The following SERF2 variants were observed in gnomAD, a reference collection of about 807,000 sequenced individuals.
The protein encoded by SERF2 is small EDRK-rich factor 2.
In SERF2, 4 loss-of-function variants were observed where a neutral mutation model predicts 10.7. The observed-to-expected ratio is 0.37, with a 90% confidence interval of 0.18 to 0.86. The LOEUF is 0.86. SERF2 is among the 40% of genes least tolerant of loss of function. The probability of loss-of-function intolerance (pLI) is 0.43; values close to 1 mark genes in which losing one functional copy is unlikely to be tolerated. For synonymous variants in SERF2, 26 were observed against 26.0 expected (o/e 1.00, Z 0.01); for missense variants, 47 against 79.1 (o/e 0.59, Z 1.54).
chr15:43,793,899 G>A lies in SERF2; in HGVS notation c.*126G>A, dbSNP rs756934168. 6.3e-7 allele frequency: 1 copy of A among 1,590,212 alleles called. No individual in the cohort carries two copies. The highest frequency in any genetic ancestry group is 2.3e-5 in the East Asian group (1 of 44,090). On this transcript the variant is annotated 3_prime_UTR_variant, in exon 3 of 3. Transcript: ENST00000249786. ...ACCGATGGCATTCCCTTTGCCCTGA[G>A]TCTGCAGCGGGTCCCTTTTGTGCTT... is the stretch of plus-strand genomic sequence containing the variant.
In SERF2 at chr15:43,795,272, C is replaced by T; in HGVS notation, c.*1499C>T. ...AAGGGCCTTAGCTTTTAGACCTGTT[C>T]TACCTCCTCACCAAATATAATGGCA... On this transcript the variant is annotated 3_prime_UTR_variant, in exon 3 of 3. Coordinates refer to ENST00000249786, the MANE Select transcript of SERF2 (RefSeq NM_001018108.4). The T allele has an allele frequency of 2.5e-6, 4 of 1,594,818 alleles. No homozygotes were observed. Among genetic ancestry groups the T allele is most frequent in the South Asian group, 1.1e-5 (1 of 90,480 alleles).
intron 2 of SERF2, 119 bp downstream of exon 2, chr15:43,793,202 A>G (rs1010562917): frequency 1.5e-6 from 1 of 653,178 alleles, no homozygotes. Context: ...AGCAGAGTGC[A>G]TTGCTTCCTC....
rs572416778 is a variant in SERF2 at position 43,781,780 on chromosome 15, C to T, written c.-526-3630C>T. On this transcript the variant is annotated intron_variant, in intron 1 of 4. Transcript: ENST00000381359. The stretch of plus-strand genomic sequence containing the variant: ...TATTTTCAATAAAGATGGGGTTTCA[C>T]CATGTTGCCCAGGCTGGTCTCGAAC... Among the ~76,000 whole-genome samples, 63 of 151,870 alleles carry T rather than the reference C, an allele frequency of 4.1e-4. 1 individual carries two copies. In the South Asian group the frequency reaches 0.013, roughly 31 times the overall value.
At chr15:43,786,906 G>A (rs1455018847) in intron 2 of SERF2, among the ~76,000 whole-genome samples, 1 of 152,050 alleles carries the variant, frequency 6.6e-6, no homozygotes, top group Non-Finnish European at 1.5e-5. Flanking sequence ...TCTTTGGTCT[G>A]ATCAGGCTAA....
chr15:43,792,774 C>T (rs989367877), intron 1 of SERF2: 17 of 700,146 alleles, frequency 2.4e-5, no homozygotes, highest in Non-Finnish European at 3.5e-5. Flanking sequence ...GACCTCCCTT[C>T]TCTAGTCCGT....
rs2087176918 is a variant in SERF2, at chr15:43,795,148, A to G, written c.*1375A>G. 2 of 1,614,028 alleles carry G rather than the reference A, an allele frequency of 1.2e-6. No individual in the cohort carries two copies. Among genetic ancestry groups the G allele is most frequent in the African/African-American group, 1.3e-5 (1 of 74,898 alleles). On this transcript the variant is annotated 3_prime_UTR_variant, in exon 3 of 3. Transcript: ENST00000249786. The stretch of plus-strand genomic sequence containing the variant: ...GAGTACGCAGGCCCAGCATGAGGCA[A>G]CCTTGACCCAGAAGGTGGCCCAGCT...
intron 1 of SERF2, among the ~76,000 whole-genome samples, chr15:43,780,333 G>A (rs531385172): frequency 1.3e-5 from 2 of 151,944 alleles, no homozygotes; most frequent in Admixed American, 6.6e-5. Flanking sequence ...TAGTAGAGAC[G>A]GGGTTTCGCC....
chr15:43,781,718 G>A (rs2086966249), intron 1 of SERF2, among the ~76,000 whole-genome samples: 1 of 150,256 alleles, frequency 6.7e-6, no homozygotes, highest in African/African-American at 2.5e-5. Context: ...CAGCCTCCTG[G>A]GACTATAGGC....
At position 43,795,540 on chromosome 15, in the gene SERF2, C is replaced by T. The variant is rs74494149; in HGVS notation, c.*1767C>T. The T allele has an allele frequency of 5.6e-6, 9 of 1,614,110 alleles. No individual in the cohort carries two copies. The East Asian group carries it at 1.8e-4, about 32-fold the overall frequency. ...CTGGCCTCGCAGCCCCACCCCTTTG[C>T]CCTGGAGAGAGGAAATGGCTGCTGG... On this transcript the variant is annotated 3_prime_UTR_variant, in exon 3 of 3. Coordinates refer to ENST00000249786, the MANE Select transcript of SERF2 (RefSeq NM_001018108.4).
intron 1 of SERF2, among the ~76,000 whole-genome samples, chr15:43,784,402 CA>C (rs1466951910): frequency 6.6e-6 from 1 of 152,052 alleles, no homozygotes; most frequent in Non-Finnish European, 1.5e-5. Context: ...GAGCTTTTCT[CA>C]TTTCTTGGGT....
Position 43,795,829 on chromosome 15 carries a change from TA to T in SERF2, c.*2061del. The T allele has an allele frequency of 7.4e-7, 1 of 1,356,372 alleles. No individual in the cohort carries two copies. The highest frequency in any genetic ancestry group is 1.0e-6 in the Non-Finnish European group (1 of 985,572). 84.0% of individuals were successfully genotyped at this position (1,356,372 alleles called of 1,614,324 possible). ...CCCCGTGAAAAGATTGGTCTAGTAT[TA>T]AAAAGTGGAGGCACACCTGGGTTCA... On this transcript the variant is annotated 3_prime_UTR_variant, in exon 3 of 3. Transcript: ENST00000249786.
chr15:43,792,782 C>G, intron 1 of SERF2, 193 bp from the exon 2 acceptor site: 1 of 687,646 alleles, frequency 1.5e-6, no homozygotes, highest in Non-Finnish European at 2.4e-6. Flanking sequence ...TTCTCTAGTC[C>G]GTATTTTGAC....
At chr15:43,788,387 A>C (rs1051800614), upstream of SERF2, among the ~76,000 whole-genome samples, 15 of 152,210 alleles carry the variant, frequency 9.9e-5, no homozygotes, top group Admixed American at 7.9e-4. Context: ...CGGTCTCCCA[A>C]AGTGCTGGGA....
Position 43,794,618 on chromosome 15 carries a change from ACTC to A in SERF2, c.*848_*850del, listed in dbSNP as rs1210482109. 2 of 193,674 alleles carry A rather than the reference ACTC, an allele frequency of 1.0e-5. No homozygotes were observed. The highest frequency in any genetic ancestry group is 2.2e-5 in the Non-Finnish European group (2 of 92,772). 12.0% of individuals were successfully genotyped at this position (193,674 alleles called of 1,614,324 possible). ...CTTATATCCGTGTGCCCAGGGCTGA[ACTC>A]CTTATTTTCCTTTCTCCAAGGGCAG... On this transcript the variant is annotated 3_prime_UTR_variant, in exon 3 of 3. Transcript: ENST00000249786.
chr15:43,788,201 G>A (rs1334024031), upstream of SERF2, among the ~76,000 whole-genome samples: 1 of 151,024 alleles, frequency 6.6e-6, no homozygotes, highest in East Asian at 2.0e-4. Flanking sequence ...TGTAGAGACG[G>A]GGTCTCACTA....
intron 2 of SERF2, among the ~76,000 whole-genome samples, chr15:43,787,238 A>G (rs1016490858): frequency 1.3e-5 from 2 of 151,742 alleles, no homozygotes; most frequent in Non-Finnish European, 2.9e-5. Context: ...TGACCTCATG[A>G]TCAGCCCGCC....
chr15:43,781,893 TC>T (rs35028910), intron 1 of SERF2, among the ~76,000 whole-genome samples: 823 of 33,154 alleles, frequency 0.025, 11 homozygotes, highest in Non-Finnish European at 0.084. Context: ...TACTTCTTCT[TC>T]TTTTTTTTTT....
chr15:43,792,362 G>T lies in SERF2; in HGVS notation c.-15G>T. The T allele has an allele frequency of 1.2e-6, 2 of 1,607,602 alleles. No individual in the cohort carries two copies. Among genetic ancestry groups the T allele is most frequent in the Non-Finnish European group, 8.5e-7 (1 of 1,174,222 alleles). ...GGGGACGTAACGGAGGCAGGTTGGA[G>T]CCGCTGCCGTCGCCATGACCCGTGA... is the stretch of plus-strand genomic sequence containing the variant. On this transcript the variant is annotated 5_prime_UTR_variant, in exon 1 of 3. Transcript: ENST00000249786.
rs2087139743 is a variant in SERF2 at position 43,793,961 on chromosome 15, T to TC, written c.*191dup. 1.3e-6 allele frequency: 2 copies of TC among 1,542,834 alleles called. No homozygotes were observed. Among genetic ancestry groups the TC allele is most frequent in the Non-Finnish European group, 1.7e-6 (2 of 1,143,252 alleles). ...GGTAGCCTCTCTCCCCCTGGGCCAC[T>TC]CCCGGGGGTGAGGGGGTTACCCCTT... is the stretch of plus-strand genomic sequence containing the variant. On this transcript the variant is annotated 3_prime_UTR_variant, in exon 3 of 3. Coordinates refer to ENST00000249786, the MANE Select transcript of SERF2 (RefSeq NM_001018108.4).
Sources: gnomAD v4.1 joint callset for allele counts (sites outside exome capture counted in the v4.1 genomes callset) on GRCh38, gnomAD v4.1.1 for gene constraint, MANE v1.5 for transcripts, NCBI Gene and HGNC (gene_info 2026-07-23, HGNC 2026-07-21) for gene names.